GRHL3: variants seen among roughly 807,000 people sequenced by gnomAD.
GRHL3 encodes the protein grainyhead-like protein 3 homolog.
A neutral mutation model predicts 70.3 loss-of-function variants in GRHL3; 20 were observed. The ratio of observed to expected loss-of-function variants is 0.28; its 90% CI spans 0.20 to 0.41. The LOEUF is 0.41. Among genes scored for constraint, GRHL3 ranks in the 10% least tolerant of loss-of-function variants. GRHL3 has a pLI of 1.00. For missense variants in GRHL3, 637 were observed against 762.3 expected (o/e 0.84, Z 1.94); for synonymous variants, 299 against 299.9 (o/e 1.00, Z 0.03).
chr1:24,346,212 G>A (rs1640277812), intron 12 of GRHL3, among the ~76,000 whole-genome samples: 1 of 151,252 alleles, frequency 6.6e-6, no homozygotes, highest in Non-Finnish European at 1.5e-5. Flanking sequence ...GCCCTCCTGT[G>A]CGTCACAGTG....
intron 1 of GRHL3, among the ~76,000 whole-genome samples, chr1:24,328,137 A>G (rs1450944629): frequency 6.6e-6 from 1 of 152,184 alleles, no homozygotes; most frequent in African/African-American, 2.4e-5. Flanking sequence ...GTATTTTGAG[A>G]AGGGAAATTT....
chr1:24,333,450 G>T (rs1385299073), intron 2 of GRHL3, among the ~76,000 whole-genome samples: 1 of 152,150 alleles, frequency 6.6e-6, no homozygotes, highest in Non-Finnish European at 1.5e-5. Flanking sequence ...TTGGGGTCCT[G>T]GTTCTAGCTG....
At chr1:24,344,381 C>A (rs1640162108) in intron 11 of GRHL3, among the ~76,000 whole-genome samples, 1 of 149,440 alleles carries the variant, frequency 6.7e-6, no homozygotes, top group African/African-American at 2.5e-5. Flanking sequence ...ATCCCAGCTA[C>A]TTGGGAAGCT....
At chr1:24,337,546 A>G (rs551016565) in intron 5 of GRHL3, 90 bp from the exon 6 acceptor site, 1 of 1,360,902 alleles carries the variant, frequency 7.3e-7, no homozygotes, top group African/African-American at 1.4e-5. Context: ...GCAAGTCTGT[A>G]ACATAGCCTC....
At chr1:24,354,317 A>G in intron 15 of GRHL3, 57 bp from the exon 16 acceptor site, 1 of 1,211,092 alleles carries the variant, frequency 8.3e-7, no homozygotes, top group South Asian at 1.2e-5. Context: ...GGTCACTCAG[A>G]AGGCCTGAAA....
chr1:24,341,395 CT>C, intron 8 of GRHL3, among the ~76,000 whole-genome samples: 1 of 152,316 alleles, frequency 6.6e-6, no homozygotes, highest in East Asian at 1.9e-4. Flanking sequence ...CCGTATATGG[CT>C]AGTGAGCGGC....
At chr1:24,338,173 T>C in intron 7 of GRHL3, 70 bp downstream of exon 7, 1 of 1,033,420 alleles carries the variant, frequency 9.7e-7, no homozygotes, top group South Asian at 1.5e-5. Context: ...TCAGGCCTTT[T>C]TCTTACTCAC....
At chr1:24,330,007 C>T (rs561112258) in intron 1 of GRHL3, among the ~76,000 whole-genome samples, 3 of 152,334 alleles carry the variant, frequency 2.0e-5, no homozygotes, top group Non-Finnish European at 4.4e-5. Context: ...TGTACATTCT[C>T]AGCCACCCAG....
intron 1 of GRHL3, among the ~76,000 whole-genome samples, chr1:24,325,885 G>A (rs78923840): frequency 1.3e-5 from 2 of 152,170 alleles, no homozygotes; most frequent in African/African-American, 2.4e-5. Context: ...GAAGCCAGAC[G>A]GGGAGACTCT....
exon 16 of GRHL3, chr1:24,364,436 A>C (rs561498763): frequency 1.4e-6 from 2 of 1,460,862 alleles, no homozygotes; most frequent in African/African-American, 2.9e-5. Flanking sequence ...CTCAGCTCAG[A>C]GTATGTGGCC....
intron 15 of GRHL3, among the ~76,000 whole-genome samples, chr1:24,352,129 A>T (rs1313291706): frequency 6.6e-6 from 1 of 151,838 alleles, no homozygotes; most frequent in African/African-American, 2.4e-5. Context: ...CACGGCCGTG[A>T]AAACATCAGC....
In GRHL3 at chr1:24,342,740, G is replaced by A. The variant is rs1301165378; in HGVS notation, c.1253G>A (p.Arg418Lys). The A allele has an allele frequency of 6.2e-7, 1 of 1,614,222 alleles. No individual in the cohort carries two copies. Among genetic ancestry groups the A allele is most frequent in the South Asian group, 1.1e-5 (1 of 91,084 alleles). The change falls in exon 10 of 16, where the codon AGG becomes AAG. Residue 418 changes from arginine (R) to lysine (K), a missense_variant. Transcript: ENST00000361548. This position sits in a 1 kb window ranked among gnomAD's most constrained non-coding sequence, Gnocchi z 4.8. Reference protein sequence around the residue: ...MRDDERKQFRRKVKCPDSSNS... With the variant: ...MRDDERKQFRKKVKCPDSSNS... ...GATGACGAGCGGAAGCAGTTCCGGAGGAAGGTCAAGTGCCCTGACTCCAGC... is the reference window on the plus strand; with the variant it reads ...GATGACGAGCGGAAGCAGTTCCGGAAGAAGGTCAAGTGCCCTGACTCCAGC...
At chr1:24,352,778 G>A (rs754642232) in intron 15 of GRHL3, among the ~76,000 whole-genome samples, 5 of 152,070 alleles carry the variant, frequency 3.3e-5, no homozygotes, top group South Asian at 2.1e-4. Context: ...CCGACCTCCC[G>A]TGCCCAAAGA....
chr1:24,349,486 G>A (rs1288868343), intron 14 of GRHL3, among the ~76,000 whole-genome samples: 4 of 152,174 alleles, frequency 2.6e-5, no homozygotes, highest in Admixed American at 2.0e-4. Context: ...AACACTGACC[G>A]CTTATTCAGG....
chr1:24,327,812 T>A lies in GRHL3; in HGVS notation c.18-3614T>A, dbSNP rs189837029. Reference sequence around the variant, plus strand: ...AGTATCAGCTCCTGGGACAACTTATTTTTTTCCCCCTCTCTCACCTACTGG... The same window carrying A: ...AGTATCAGCTCCTGGGACAACTTATATTTTTCCCCCTCTCTCACCTACTGG... On this transcript the variant is annotated intron_variant, in intron 1 of 15. Transcript: ENST00000361548. Among the ~76,000 whole-genome samples, 151 of 152,250 alleles carry A rather than the reference T, an allele frequency of 9.9e-4. No individual in the cohort carries two copies. In the South Asian group the frequency reaches 0.016, roughly 16 times the overall value.
rs1239352199 is a variant in GRHL3 at position 24,322,278 on chromosome 1, G to A, written c.17+2710G>A. On this transcript the variant is annotated intron_variant, in intron 1 of 15. Coordinates refer to ENST00000361548, the MANE Select transcript of GRHL3 (RefSeq NM_198173.3). The surrounding 1 kb of genome is among the most constrained non-coding windows in gnomAD (Gnocchi z 4.4). ...TCTCCCCTCAGCCTCGCAGAGACGC[G>A]ACTCGGTTGGGGGAAGGGGACTAGA... Among the ~76,000 whole-genome samples the A allele has an allele frequency of 2.0e-5, 3 of 152,112 alleles. No individual in the cohort carries two copies. The highest frequency in any genetic ancestry group is 4.4e-5 in the Non-Finnish European group (3 of 68,028).
intron 1 of GRHL3, among the ~76,000 whole-genome samples, chr1:24,330,747 C>T (rs956285616): frequency 2.0e-5 from 3 of 152,208 alleles, no homozygotes; most frequent in Non-Finnish European, 2.9e-5. Flanking sequence ...GTCTCTTGAG[C>T]GAGATAATGC....
chr1:24,325,359 G>A (rs1383614309), intron 1 of GRHL3, among the ~76,000 whole-genome samples: 3 of 152,184 alleles, frequency 2.0e-5, no homozygotes, highest in Non-Finnish European at 4.4e-5. Flanking sequence ...TAACTACTGA[G>A]TCCCATCCTG....
intron 12 of GRHL3, 81 bp downstream of exon 12, chr1:24,345,012 GC>G: frequency 1.4e-6 from 1 of 701,464 alleles, no homozygotes; most frequent in Non-Finnish European, 1.9e-6. Context: ...CTGTGCCTCC[GC>G]CACACCTGTG....
Sources: allele counts gnomAD v4.1 joint callset (sites outside exome capture counted in the v4.1 genomes callset), GRCh38; gene constraint gnomAD v4.1.1; non-coding constraint Gnocchi (gnomAD v3.1); transcripts MANE v1.5; gene names NCBI Gene and HGNC (gene_info 2026-07-23, HGNC 2026-07-21).